Variants in POR observed in about 807,000 individuals in gnomAD.
The protein encoded by POR is cytochrome p450 oxidoreductase.
Under a neutral mutation model 84.0 loss-of-function variants are expected in POR, and 56 were observed. The observed-to-expected ratio is 0.67, with a 90% confidence interval of 0.54 to 0.83. The LOEUF (loss-of-function observed/expected upper bound fraction) is 0.83, where lower values mean the gene tolerates loss of function less well. POR is among the 40% of genes least tolerant of loss of function. The pLI is 0.00. For missense variants in POR, 938 were observed against 944.3 expected (o/e 0.99, Z 0.09); for synonymous variants, 414 against 400.5 (o/e 1.03, Z -0.40).
intron 1 of POR, among the ~76,000 whole-genome samples, chr7:75,920,574 C>T (rs1554548681): frequency 2.6e-5 from 4 of 152,088 alleles, no homozygotes; most frequent in Non-Finnish European, 2.9e-5. Context: ...CTTTTATCTT[C>T]GGCACTTTTT....
intron 5 of POR, chr7:75,980,831 G>A: frequency 8.6e-7 from 1 of 1,161,120 alleles, no homozygotes; most frequent in Non-Finnish European, 1.2e-6. Context: ...GTTGAGGCTG[G>A]CAGTGGACGG....
intron 1 of POR, among the ~76,000 whole-genome samples, chr7:75,929,568 A>G (rs146909749): frequency 1.3e-5 from 2 of 152,234 alleles, no homozygotes; most frequent in East Asian, 3.9e-4. Context: ...TACACATGTG[A>G]TTGCCTTGAA....
intron 2 of POR, chr7:75,968,197 C>G: frequency 2.2e-6 from 1 of 464,158 alleles, no homozygotes; most frequent in Non-Finnish European, 4.4e-6. Flanking sequence ...CGCCTGCACC[C>G]TCACTCGAGT....
intron 12 of POR, 101 bp downstream of exon 12, chr7:75,985,308 T>G (rs1355569928): frequency 1.4e-6 from 2 of 1,389,918 alleles, no homozygotes; most frequent in Admixed American, 2.6e-5. Context: ...ATCTGAGCCC[T>G]GAGCTCCAGT....
At chr7:75,956,808 C>T (rs1275109150) in intron 2 of POR, among the ~76,000 whole-genome samples, 1 of 152,070 alleles carries the variant, frequency 6.6e-6, no homozygotes, top group African/African-American at 2.4e-5. Flanking sequence ...TCACTGCAAC[C>T]TCCGCCTCCC....
At chr7:75,979,141 C>T (rs1788854495) in intron 3 of POR, among the ~76,000 whole-genome samples, 1 of 152,220 alleles carries the variant, frequency 6.6e-6, no homozygotes, top group African/African-American at 2.4e-5. Flanking sequence ...GGAACCATTC[C>T]CCCACGGATA....
In POR at chr7:75,954,007, A is replaced by G. The variant is rs10262966; in HGVS notation, c.15A>G (p.Gly5=). The G allele has an allele frequency of 0.021, 33,963 of 1,598,424 alleles. 3,076 individuals carry two copies. In the African/African-American group the frequency reaches 0.27, roughly 12 times the overall value. The change falls in exon 2 of 16, where the codon GGA becomes GGG. Residue 5 remains glycine (G), a synonymous_variant. Transcript: ENST00000461988. ...CTAACAGTTTCATGATCAACATGGGAGACTCCCACGTGGACACCAGCTCCA... is the reference window on the plus strand; with the variant it reads ...CTAACAGTTTCATGATCAACATGGGGGACTCCCACGTGGACACCAGCTCCA...
In POR at chr7:75,936,731, C is replaced by T. The variant is rs908182335; in HGVS notation, c.-4-17258C>T. ...TGATCTCTCCAGACTGTTGCCCCTGCGCTGGAGGCAGAAGCCGACTTCAGA... is the reference window on the plus strand; with the variant it reads ...TGATCTCTCCAGACTGTTGCCCCTGTGCTGGAGGCAGAAGCCGACTTCAGA... On this transcript the variant is annotated intron_variant, in intron 1 of 15. Transcript: ENST00000461988. 5.9e-5 allele frequency among the ~76,000 whole-genome samples: 9 copies of T among 151,746 alleles called. No individual in the cohort carries two copies. The East Asian group carries it at 1.6e-3, about 26-fold the overall frequency.
intron 1 of POR, among the ~76,000 whole-genome samples, chr7:75,935,036 C>T (rs1456388486): frequency 2.0e-5 from 3 of 152,104 alleles, no homozygotes; most frequent in East Asian, 1.9e-4. Context: ...CTCCAGACCC[C>T]GGAATGGTAG....
intron 2 of POR, 25 bp from the exon 3 acceptor site, chr7:75,972,388 C>T: frequency 7.5e-6 from 12 of 1,604,266 alleles, no homozygotes; most frequent in Non-Finnish European, 1.0e-5. Flanking sequence ...GCCTCCCACG[C>T]TCATTGCACA....
At chr7:75,965,176 G>A (rs565540041) in intron 2 of POR, among the ~76,000 whole-genome samples, 2 of 152,278 alleles carry the variant, frequency 1.3e-5, no homozygotes, top group Admixed American at 1.3e-4. Context: ...GCAGGAAGAT[G>A]GGCCAGGAGG....
chr7:75,960,179 T>C (rs1197293864), intron 2 of POR, among the ~76,000 whole-genome samples: 1 of 152,044 alleles, frequency 6.6e-6, no homozygotes, highest in East Asian at 1.9e-4. Context: ...TAGTCCCAGC[T>C]ACTCAGGAGG....
At chr7:75,984,618 G>T (rs996618011) in intron 10 of POR, among the ~76,000 whole-genome samples, 159 bp from the exon 11 acceptor site, 1 of 152,158 alleles carries the variant, frequency 6.6e-6, no homozygotes, top group Admixed American at 6.5e-5. Context: ...CTTGGCCCCA[G>T]GGCCAGGGAG....
Position 75,977,472 on chromosome 7 carries a change from A to C in POR, c.238-1979A>C, listed in dbSNP as rs1239956157. 2.0e-5 allele frequency among the ~76,000 whole-genome samples: 3 copies of C among 152,288 alleles called. No homozygotes were observed. The South Asian group carries it at 6.2e-4, about 32-fold the overall frequency. ...TAGGAACTTGCAGTCTGGCTACCAA[A>C]ACTATTAGAAATACCTCAGGTGGCT... On this transcript the variant is annotated intron_variant, in intron 3 of 15. Coordinates refer to ENST00000461988, the MANE Select transcript of POR (RefSeq NM_000941.3).
intron 2 of POR, among the ~76,000 whole-genome samples, chr7:75,954,706 AT>A (rs3043449): frequency 0.02 from 2,655 of 130,498 alleles, 39 homozygotes; most frequent in Middle Eastern, 0.047. Flanking sequence ...TGCCCAGCTA[AT>A]TTTTTTTTTT....
intron 4 of POR, 114 bp downstream of exon 4, chr7:75,979,693 A>T: frequency 4.2e-6 from 6 of 1,439,726 alleles, no homozygotes; most frequent in Non-Finnish European, 5.6e-6. Flanking sequence ...TCCTGGGAAG[A>T]CGTCCTCGGA....
chr7:75,918,922 T>C (rs1377788307), intron 1 of POR, among the ~76,000 whole-genome samples: 8 of 151,680 alleles, frequency 5.3e-5, no homozygotes, highest in African/African-American at 1.9e-4. Context: ...TTGTCTGAAA[T>C]GGTCCTAGGA....
chr7:75,960,454 G>A (rs782338781), intron 2 of POR, among the ~76,000 whole-genome samples: 2 of 152,048 alleles, frequency 1.3e-5, no homozygotes, highest in Non-Finnish European at 2.9e-5. Context: ...CTGGGGTGAC[G>A]GGCACATGCC....
chr7:75,953,110 A>G lies in POR; in HGVS notation c.-4-879A>G, dbSNP rs574382572. ...GGCTGGAGGATCACTCGCGGTTAGG[A>G]GCTGGAGACCAGCCCGGCCAACACA... On this transcript the variant is annotated intron_variant, in intron 1 of 15. Transcript: ENST00000461988. 3.3e-5 allele frequency among the ~76,000 whole-genome samples: 5 copies of G among 152,280 alleles called. No homozygotes were observed. The East Asian group carries it at 9.7e-4, about 29-fold the overall frequency.
Sources: allele counts gnomAD v4.1 joint callset (sites outside exome capture counted in the v4.1 genomes callset), GRCh38; gene constraint gnomAD v4.1.1; transcripts MANE v1.5; gene names NCBI Gene and HGNC (gene_info 2026-07-23, HGNC 2026-07-21).